PDIA5: variants seen among roughly 807,000 people sequenced by gnomAD.
PDIA5 encodes the protein protein disulfide-isomerase A5.
In PDIA5, 58 loss-of-function variants were observed where a neutral mutation model predicts 77.6. The ratio of observed to expected loss-of-function variants is 0.75; its 90% CI spans 0.61 to 0.93. The LOEUF is 0.93. PDIA5 is among the 40% of genes least tolerant of loss of function. The pLI, the probability that PDIA5 is intolerant of heterozygous loss-of-function variation, is 0.00. For synonymous variants in PDIA5, 250 were observed against 252.1 expected (o/e 0.99, Z 0.08); for missense variants, 630 against 647.7 (o/e 0.97, Z 0.30).
At chr3:123,100,656 C>T (rs1176743001) in intron 3 of PDIA5, among the ~76,000 whole-genome samples, 1 of 152,242 alleles carries the variant, frequency 6.6e-6, no homozygotes, top group Non-Finnish European at 1.5e-5. Flanking sequence ...GGAGACACTC[C>T]TCCTCTCTGA....
intron 8 of PDIA5, among the ~76,000 whole-genome samples, chr3:123,119,862 T>G (rs1480203665): frequency 2.6e-5 from 4 of 151,930 alleles, no homozygotes; most frequent in Non-Finnish European, 5.9e-5. Flanking sequence ...GTCAAAAATC[T>G]TCCTCCTCTA....
At chr3:123,083,900 G>A (rs1934071900) in intron 1 of PDIA5, among the ~76,000 whole-genome samples, 1 of 152,116 alleles carries the variant, frequency 6.6e-6, no homozygotes, top group Admixed American at 6.5e-5. Context: ...TAAGTGGCAG[G>A]AGGAAAGTCC....
Position 123,124,073 on chromosome 3 carries a change from C to G in PDIA5, c.617C>G (p.Ala206Gly). 6.2e-7 allele frequency: 1 copy of G among 1,613,072 alleles called. No homozygotes were observed. Among genetic ancestry groups the G allele is most frequent in the Non-Finnish European group, 8.5e-7 (1 of 1,179,028 alleles). Residue 206 changes from alanine (A) to glycine (G), a missense_variant, in exon 9 of 17, where the codon GCC becomes GGC. Transcript: ENST00000316218. ...ATQLRGHAVL[A>G]GMNVYSSEFE... is the part of the protein sequence containing the mutation. ...TTCTCCGCTTCCTCCCAGGTGCTGGCCGGGATGAATGTCTACTCCTCTGAA... is the reference window on the plus strand; with the variant it reads ...TTCTCCGCTTCCTCCCAGGTGCTGGGCGGGATGAATGTCTACTCCTCTGAA...
chr3:123,133,219 T>A (rs1935413316), intron 11 of PDIA5, among the ~76,000 whole-genome samples: 1 of 152,126 alleles, frequency 6.6e-6, no homozygotes, highest in Non-Finnish European at 1.5e-5. Flanking sequence ...TTTTGCAGTG[T>A]TTGAGGGACC....
chr3:123,116,434 G>A (rs1214243547), intron 8 of PDIA5, 136 bp downstream of exon 8: 44 of 673,640 alleles, frequency 6.5e-5, no homozygotes, highest in African/African-American at 1.1e-4. Context: ...TTGCTGAATC[G>A]CAGCCTTGCA....
chr3:123,098,631 T>G (rs1219134091), intron 3 of PDIA5, among the ~76,000 whole-genome samples: 1 of 151,996 alleles, frequency 6.6e-6, no homozygotes, highest in African/African-American at 2.4e-5. Context: ...ACATTCTCCA[T>G]GGAAGAGAGC....
chr3:123,107,518 C>T (rs1934765514), intron 6 of PDIA5, among the ~76,000 whole-genome samples: 1 of 152,064 alleles, frequency 6.6e-6, no homozygotes, highest in South Asian at 2.1e-4. Flanking sequence ...AGTGAGACCC[C>T]CATCTCTAAA....
rs115880058 is a variant in PDIA5 at position 123,115,547 on chromosome 3, C to G, written c.542-684C>G. Among the ~76,000 whole-genome samples the G allele has an allele frequency of 7.9e-3, 1,200 of 152,272 alleles. 18 individuals carry two copies. Among genetic ancestry groups the G allele is most frequent in the African/African-American group, 0.027 (1,125 of 41,558 alleles). ...GGGGCCTTAGGTTGTGTGGTCCAGC[C>G]TCTCTCATCTGCCAGAAGAAACAGC... On this transcript the variant is annotated intron_variant, in intron 7 of 16. Transcript: ENST00000316218.
chr3:123,135,801 A>T (rs1243706068), intron 11 of PDIA5, among the ~76,000 whole-genome samples: 4 of 31,772 alleles, frequency 1.3e-4, no homozygotes, highest in Admixed American at 3.5e-4. Context: ...AGTCTTTTTC[A>T]TTTTTTTGGT....
chr3:123,069,156 G>A (rs1192303312), intron 1 of PDIA5, among the ~76,000 whole-genome samples: 1 of 152,208 alleles, frequency 6.6e-6, no homozygotes, highest in Non-Finnish European at 1.5e-5. Context: ...TTGCTGGACA[G>A]CGCGTTGGGT....
chr3:123,124,732 C>T (rs1935202092), intron 10 of PDIA5, among the ~76,000 whole-genome samples: 1 of 152,210 alleles, frequency 6.6e-6, no homozygotes, highest in African/African-American at 2.4e-5. Context: ...CTCAACACAT[C>T]TATCTGATGG....
At chr3:123,118,112 G>A (rs544425365) in intron 8 of PDIA5, among the ~76,000 whole-genome samples, 40 of 152,308 alleles carry the variant, frequency 2.6e-4, no homozygotes, top group African/African-American at 8.4e-4. Flanking sequence ...GGCCCTGCTC[G>A]CCAAGCTGCA....
intron 1 of PDIA5, among the ~76,000 whole-genome samples, chr3:123,084,453 C>T (rs912469331): frequency 5.9e-5 from 9 of 152,034 alleles, no homozygotes; most frequent in Non-Finnish European, 1.2e-4. Flanking sequence ...ACGCAGCCCT[C>T]CCCACCTCCC....
At chr3:123,079,671 GAC>G (rs1182045420) in intron 1 of PDIA5, among the ~76,000 whole-genome samples, 1 of 152,072 alleles carries the variant, frequency 6.6e-6, no homozygotes, top group African/African-American at 2.4e-5. Context: ...ATTTCCTCAG[GAC>G]ACATTCCCAG....
At chr3:123,104,011 T>A (rs143253909) in intron 5 of PDIA5, among the ~76,000 whole-genome samples, 1 of 152,128 alleles carries the variant, frequency 6.6e-6, no homozygotes, top group East Asian at 1.9e-4. Flanking sequence ...GAGCAGGGAG[T>A]TCTGAGCGGC....
chr3:123,117,373 T>TA (rs1335071205), intron 8 of PDIA5, among the ~76,000 whole-genome samples: 91 of 83,612 alleles, frequency 1.1e-3, no homozygotes, highest in South Asian at 3.7e-3. Context: ...TTTCTATGAT[T>TA]TTATATATAT....
In PDIA5 at chr3:123,135,550, C is replaced by T. The variant is rs537263471; in HGVS notation, c.910+4934C>T. Among the ~76,000 whole-genome samples, 28 of 152,270 alleles carry T rather than the reference C, an allele frequency of 1.8e-4. No individual in the cohort carries two copies. The South Asian group carries it at 5.6e-3, about 30-fold the overall frequency. On this transcript the variant is annotated intron_variant, in intron 11 of 16. Transcript: ENST00000316218. ...TGTATCTGCACTGCCTTCCAGGAGCCGGGCTGTTTCTGGCAGCAGGTCCCC... is the reference window on the plus strand; with the variant it reads ...TGTATCTGCACTGCCTTCCAGGAGCTGGGCTGTTTCTGGCAGCAGGTCCCC...
rs556998856 is a variant in PDIA5, at chr3:123,137,441, T to C, written c.910+6825T>C. Among the ~76,000 whole-genome samples, 8 of 152,362 alleles carry C rather than the reference T, an allele frequency of 5.3e-5. No homozygotes were observed. In the South Asian group the frequency reaches 1.7e-3, roughly 32 times the overall value. Reference sequence around the variant, plus strand: ...CTTTATCTGTTTTCTGTGTTTTCCATGTTCCATTAGTCTATTTCTTGCTCT... The same window carrying C: ...CTTTATCTGTTTTCTGTGTTTTCCACGTTCCATTAGTCTATTTCTTGCTCT... On this transcript the variant is annotated intron_variant, in intron 11 of 16. Coordinates refer to ENST00000316218, the MANE Select transcript of PDIA5 (RefSeq NM_006810.4).
intron 3 of PDIA5, among the ~76,000 whole-genome samples, chr3:123,099,985 C>G (rs567678755): frequency 6.6e-6 from 1 of 152,242 alleles, no homozygotes; most frequent in Non-Finnish European, 1.5e-5. Context: ...GCAAGCCCTT[C>G]GCAGCTGCTG....
Sources: allele counts gnomAD v4.1 joint callset (sites outside exome capture counted in the v4.1 genomes callset), GRCh38; gene constraint gnomAD v4.1.1; transcripts MANE v1.5; gene names NCBI Gene and HGNC (gene_info 2026-07-23, HGNC 2026-07-21).